SNAPC3: variants seen among roughly 807,000 people sequenced by gnomAD.
SNAPC3 encodes the protein small nuclear RNA activating complex polypeptide 3.
Under a neutral mutation model 47.7 loss-of-function variants are expected in SNAPC3, and 56 were observed. The ratio of observed to expected loss-of-function variants is 1.18; its 90% CI spans 0.95 to 1.47. The LOEUF (loss-of-function observed/expected upper bound fraction) is 1.47, where lower values mean the gene tolerates loss of function less well. Among genes scored for constraint, SNAPC3 ranks in the 40% most tolerant of loss-of-function variants. The pLI, the probability that SNAPC3 is intolerant of heterozygous loss-of-function variation, is 0.00. For synonymous variants in SNAPC3, 235 were observed against 189.9 expected (o/e 1.24, Z -1.95); for missense variants, 665 against 511.3 (o/e 1.30, Z -2.90).
At chr9:15,451,522 C>A in intron 6 of SNAPC3, 120 bp downstream of exon 6, 1 of 470,932 alleles carries the variant, frequency 2.1e-6, no homozygotes, top group South Asian at 4.7e-5. Flanking sequence ...ATTGATAAAT[C>A]TTGTCTTTTG....
intron 4 of SNAPC3, among the ~76,000 whole-genome samples, chr9:15,446,295 C>A (rs1306996226): frequency 6.6e-6 from 1 of 152,166 alleles, no homozygotes; most frequent in East Asian, 1.9e-4. Context: ...TGGCTCACTG[C>A]AGCTTCGCTC....
At chr9:15,452,983 T>A in intron 6 of SNAPC3, 58 bp from the exon 7 acceptor site, 1 of 1,399,088 alleles carries the variant, frequency 7.1e-7, no homozygotes, top group East Asian at 2.4e-5. Context: ...CAAACTGTTT[T>A]CTGTAGTTTT....
chr9:15,424,519 GA>G (rs2031071960), intron 2 of SNAPC3, among the ~76,000 whole-genome samples: 2 of 151,578 alleles, frequency 1.3e-5, no homozygotes, highest in African/African-American at 4.9e-5. Context: ...AGAATTACTA[GA>G]AAAATGGAAT....
At chr9:15,428,344 G>A (rs1231473725) in intron 2 of SNAPC3, among the ~76,000 whole-genome samples, 1 of 151,498 alleles carries the variant, frequency 6.6e-6, no homozygotes, top group Middle Eastern at 3.2e-3. Flanking sequence ...TCGGAAACAG[G>A]TAAAGCCTGT....
At chr9:15,450,159 C>T (rs2034283073) in intron 5 of SNAPC3, among the ~76,000 whole-genome samples, 1 of 152,018 alleles carries the variant, frequency 6.6e-6, no homozygotes, top group Admixed American at 6.6e-5. Flanking sequence ...GTACATTATA[C>T]TTAATGTACA....
chr9:15,442,385 CT>C (rs1325652285), intron 3 of SNAPC3, among the ~76,000 whole-genome samples: 1 of 151,110 alleles, frequency 6.6e-6, no homozygotes, highest in African/African-American at 2.4e-5. Context: ...AGGGCAGCTG[CT>C]GGGCGGAGGG....
chr9:15,434,487 A>G (rs1418386078), intron 3 of SNAPC3, among the ~76,000 whole-genome samples: 1 of 149,234 alleles, frequency 6.7e-6, no homozygotes, highest in Non-Finnish European at 1.5e-5. Flanking sequence ...GGCTCACTGC[A>G]GTCTCCGCCT....
At chr9:15,453,936 C>T (rs2034579305) in intron 7 of SNAPC3, among the ~76,000 whole-genome samples, 2 of 152,076 alleles carry the variant, frequency 1.3e-5, no homozygotes, top group Admixed American at 6.6e-5. Flanking sequence ...ATTTATTATA[C>T]CACTAATAGA....
chr9:15,441,973 G>C (rs1206539518), intron 3 of SNAPC3, among the ~76,000 whole-genome samples: 2 of 152,084 alleles, frequency 1.3e-5, no homozygotes, highest in Non-Finnish European at 2.9e-5. Context: ...GGGGCGGCCA[G>C]GCAGAGGCGC....
At chr9:15,441,975 C>T (rs1342863172) in intron 3 of SNAPC3, among the ~76,000 whole-genome samples, 1 of 152,046 alleles carries the variant, frequency 6.6e-6, no homozygotes, top group Non-Finnish European at 1.5e-5. Flanking sequence ...GGCGGCCAGG[C>T]AGAGGCGCCC....
At chr9:15,442,833 A>G (rs980670601) in intron 3 of SNAPC3, among the ~76,000 whole-genome samples, 2 of 152,080 alleles carry the variant, frequency 1.3e-5, no homozygotes, top group Admixed American at 1.3e-4. Flanking sequence ...TGGGAGGTGG[A>G]GGTTGTAGCA....
intron 2 of SNAPC3, among the ~76,000 whole-genome samples, 193 bp downstream of exon 2, chr9:15,424,179 C>T (rs990240250): frequency 2.0e-5 from 3 of 152,070 alleles, no homozygotes; most frequent in Admixed American, 2.0e-4. Flanking sequence ...ATTTTGCTAT[C>T]CCCCATTCAG....
At chr9:15,444,480 A>G in intron 3 of SNAPC3, 122 bp from the exon 4 acceptor site, 1 of 612,066 alleles carries the variant, frequency 1.6e-6, no homozygotes, top group East Asian at 2.8e-5. Context: ...GTTTTCCCAG[A>G]GTATAATTAG....
chr9:15,432,845 T>G (rs1048625188), intron 2 of SNAPC3, among the ~76,000 whole-genome samples: 1 of 152,230 alleles, frequency 6.6e-6, no homozygotes, highest in Admixed American at 6.5e-5. Context: ...AATCTATCAG[T>G]GAATGCTAAA....
intron 3 of SNAPC3, among the ~76,000 whole-genome samples, chr9:15,438,492 A>G (rs1204285018): frequency 6.7e-6 from 1 of 149,920 alleles, no homozygotes; most frequent in Admixed American, 6.6e-5. Flanking sequence ...TATAATTTTC[A>G]TTTTTTTTGC....
intron 7 of SNAPC3, chr9:15,453,476 C>G (rs2034548620): frequency 3.7e-6 from 1 of 273,024 alleles, no homozygotes; most frequent in Non-Finnish European, 6.8e-6. Flanking sequence ...AAAAGTATCT[C>G]TATTTTGTAT....
intron 6 of SNAPC3, 84 bp downstream of exon 6, chr9:15,451,486 C>T (rs890552752): frequency 7.8e-5 from 43 of 553,650 alleles, no homozygotes; most frequent in Non-Finnish European, 1.3e-4. Flanking sequence ...TATTATTGGC[C>T]TATTAAGGAC....
At chr9:15,453,445 T>TA in intron 7 of SNAPC3, 1 of 358,600 alleles carries the variant, frequency 2.8e-6, no homozygotes, top group Non-Finnish European at 4.9e-6. Context: ...ATTAGACGGT[T>TA]AAAAATCTGT....
chr9:15,441,789 A>G (rs1469681846), intron 3 of SNAPC3, among the ~76,000 whole-genome samples: 1 of 152,194 alleles, frequency 6.6e-6, no homozygotes, highest in East Asian at 1.9e-4. Context: ...TCCTATGTCT[A>G]CTTCTTTCTA....
Sources: allele counts gnomAD v4.1 joint callset (sites outside exome capture counted in the v4.1 genomes callset), GRCh38; gene constraint gnomAD v4.1.1; transcripts MANE v1.5; gene names NCBI Gene and HGNC (gene_info 2026-07-23, HGNC 2026-07-21).